The following HECTD4 variants were observed in gnomAD, a reference collection of about 807,000 sequenced individuals.
HECTD4 encodes the protein probable E3 ubiquitin-protein ligase HECTD4.
A neutral mutation model predicts 471.5 loss-of-function variants in HECTD4; 114 were observed. The ratio of observed to expected loss-of-function variants is 0.24; its 90% CI spans 0.21 to 0.28. The LOEUF is 0.28. Among genes scored for constraint, HECTD4 ranks in the 10% least tolerant of loss-of-function variants. HECTD4 has a pLI of 1.00. For missense variants in HECTD4, 3,866 were observed against 5,651.5 expected (o/e 0.68, Z 10.13); for synonymous variants, 2,012 against 2,256.0 (o/e 0.89, Z 3.07).
intron 1 of HECTD4, among the ~76,000 whole-genome samples, chr12:112,343,110 A>G (rs2036081697): frequency 6.6e-6 from 1 of 152,200 alleles, no homozygotes; most frequent in African/African-American, 2.4e-5. Flanking sequence ...AATCACCTCC[A>G]AAGACATGTC....
chr12:112,229,841 T>A lies in HECTD4; in HGVS notation c.6376A>T (p.Lys2126Ter). Residue 2126 changes from lysine to a stop codon, truncating the protein, a stop_gained, in exon 41 of 76, where the codon AAA (lysine) becomes TAA (stop). Coordinates refer to ENST00000682272, the MANE Select transcript of HECTD4 (RefSeq NM_001388303.1). LOFTEE classifies it high-confidence loss of function. ...TTTTCCAGAATGCTTTCTGCGTATTTCCCCAATTGTGGAATGTACATCAGT... is the reference window on the plus strand; with the variant it reads ...TTTTCCAGAATGCTTTCTGCGTATTACCCCAATTGTGGAATGTACATCAGT... ...RALMYIPQLGKYAESILENGS... is the reference protein window; with the variant it reads ...RALMYIPQLG 1 of 1,614,006 alleles carries A rather than the reference T, an allele frequency of 6.2e-7. No individual in the cohort carries two copies.
Position 112,162,309 on chromosome 12 carries a change from G to A in HECTD4, c.*78C>T. The A allele has an allele frequency of 1.3e-6, 2 of 1,563,188 alleles. No homozygotes were observed. Among genetic ancestry groups the A allele is most frequent in the African/African-American group, 1.4e-5 (1 of 74,036 alleles). On this transcript the variant is annotated 3_prime_UTR_variant, in exon 76 of 76. Coordinates refer to ENST00000682272, the MANE Select transcript of HECTD4 (RefSeq NM_001388303.1). This position sits in a 1 kb window ranked among gnomAD's most constrained non-coding sequence, Gnocchi z 5.2. ...CAACTCCTCACGCAGGGCCCTGGAGGGACGGGCCGCAGTGGTGGCTTCCCA... is the reference window on the plus strand; with the variant it reads ...CAACTCCTCACGCAGGGCCCTGGAGAGACGGGCCGCAGTGGTGGCTTCCCA...
At chr12:112,330,088 C>A (rs2135714177) in intron 1 of HECTD4, among the ~76,000 whole-genome samples, 1 of 152,162 alleles carries the variant, frequency 6.6e-6, no homozygotes, top group South Asian at 2.1e-4. Flanking sequence ...ACCAGCCTGA[C>A]AAACACAGTG....
intron 10 of HECTD4, among the ~76,000 whole-genome samples, chr12:112,274,514 T>G (rs1202149235): frequency 6.6e-6 from 1 of 152,196 alleles, no homozygotes; most frequent in Non-Finnish European, 1.5e-5. Flanking sequence ...GAGACCAGCC[T>G]GGGTGACATA....
intron 1 of HECTD4, among the ~76,000 whole-genome samples, chr12:112,340,903 T>A (rs1178801720): frequency 3.9e-5 from 6 of 152,206 alleles, no homozygotes; most frequent in Non-Finnish European, 8.8e-5. Context: ...TTTACATTAA[T>A]TCATCTTTAT....
intron 1 of HECTD4, among the ~76,000 whole-genome samples, chr12:112,327,484 A>C (rs2035769019): frequency 6.6e-6 from 1 of 152,184 alleles, no homozygotes; most frequent in Admixed American, 6.5e-5. Context: ...ATGCCCTCTA[A>C]TTAGGAGTCT....
intron 11 of HECTD4, 92 bp from the exon 12 acceptor site, chr12:112,270,551 A>G: frequency 3.0e-6 from 3 of 1,009,588 alleles, no homozygotes; most frequent in South Asian, 1.4e-5. Flanking sequence ...GTGTGTGCGC[A>G]CTAGAAAAGG....
intron 7 of HECTD4, among the ~76,000 whole-genome samples, chr12:112,298,750 C>T (rs896191908): frequency 3.3e-5 from 5 of 151,714 alleles, no homozygotes; most frequent in South Asian, 2.1e-4. Flanking sequence ...AGTGTGGTGG[C>T]GGGCGCCTGT....
chr12:112,266,208 AT>A, intron 14 of HECTD4, among the ~76,000 whole-genome samples: 1 of 152,296 alleles, frequency 6.6e-6, no homozygotes, highest in South Asian at 2.1e-4. Flanking sequence ...ATGAAGTGTG[AT>A]TTTTTATTCC....
chr12:112,217,298 C>CAT, intron 45 of HECTD4, 103 bp from the exon 46 acceptor site: 1 of 668,372 alleles, frequency 1.5e-6, no homozygotes. Context: ...AAAATATAGG[C>CAT]ATACACACAC....
chr12:112,200,555 G>T (rs557447615), intron 55 of HECTD4, 83 bp downstream of exon 55: 122 of 1,385,444 alleles, frequency 8.8e-5, no homozygotes, highest in Non-Finnish European at 1.1e-4. Context: ...CTTTCTTGCT[G>T]AGGATAAATG....
intron 52 of HECTD4, among the ~76,000 whole-genome samples, chr12:112,206,555 G>A (rs1389123028): frequency 2.8e-5 from 1 of 35,816 alleles, no homozygotes; most frequent in Non-Finnish European, 5.7e-5. Context: ...TTTTTTTTTT[G>A]AGACGGAGTC....
intron 21 of HECTD4, among the ~76,000 whole-genome samples, chr12:112,254,477 A>G (rs1264203844): frequency 3.3e-5 from 5 of 152,200 alleles, no homozygotes; most frequent in Non-Finnish European, 5.9e-5. Context: ...TTGTACATCA[A>G]TATTTTTGAA....
intron 7 of HECTD4, among the ~76,000 whole-genome samples, chr12:112,301,652 C>T (rs2035166967): frequency 6.6e-6 from 1 of 152,038 alleles, no homozygotes; most frequent in Non-Finnish European, 1.5e-5. Context: ...TTAACTCTTT[C>T]GATAATCATA....
chr12:112,236,255 C>G (rs547128185), intron 35 of HECTD4, among the ~76,000 whole-genome samples: 14 of 152,256 alleles, frequency 9.2e-5, no homozygotes, highest in Admixed American at 3.3e-4. Context: ...CCTGGTAAAC[C>G]AGGTTAAGGG....
Position 112,173,523 on chromosome 12 carries a change from A to G in HECTD4, c.11595-662T>C, listed in dbSNP as rs2031313484. Reference sequence around the variant, plus strand: ...TTCTGCCTCAGCCTCCTGACTAGCTAGGACTACAGGCGCCTGCCACCACAC... The same window carrying G: ...TTCTGCCTCAGCCTCCTGACTAGCTGGGACTACAGGCGCCTGCCACCACAC... On this transcript the variant is annotated intron_variant, in intron 66 of 75. Transcript: ENST00000682272. The surrounding 1 kb of genome is among the most constrained non-coding windows in gnomAD (Gnocchi z 4.3). 6.6e-6 allele frequency among the ~76,000 whole-genome samples: 1 copy of G among 151,226 alleles called. No individual in the cohort carries two copies. The highest frequency in any genetic ancestry group is 1.5e-5 in the Non-Finnish European group (1 of 67,852).
At chr12:112,328,001 G>A (rs2035779700) in intron 1 of HECTD4, among the ~76,000 whole-genome samples, 1 of 152,082 alleles carries the variant, frequency 6.6e-6, no homozygotes, top group Non-Finnish European at 1.5e-5. Flanking sequence ...CCCGGTATGG[G>A]ACATTAACCA....
At chr12:112,312,735 C>G (rs1313475420) in intron 4 of HECTD4, among the ~76,000 whole-genome samples, 1 of 152,148 alleles carries the variant, frequency 6.6e-6, no homozygotes, top group African/African-American at 2.4e-5. Flanking sequence ...TACCCAAACT[C>G]AAATATCCAG....
intron 34 of HECTD4, 113 bp downstream of exon 34, chr12:112,238,939 G>A: frequency 9.7e-7 from 1 of 1,032,362 alleles, no homozygotes; most frequent in Non-Finnish European, 1.4e-6. Flanking sequence ...TAACCCATCT[G>A]ATCATGTCAT....
Sources: gnomAD v4.1 joint callset for allele counts (sites outside exome capture counted in the v4.1 genomes callset) on GRCh38, gnomAD v4.1.1 for gene constraint, Gnocchi (gnomAD v3.1) non-coding constraint, MANE v1.5 for transcripts, NCBI Gene and HGNC (gene_info 2026-07-23, HGNC 2026-07-21) for gene names.